Variants in CCL16 observed in about 807,000 individuals in gnomAD.
CCL16 encodes the protein C-C motif chemokine 16.
A neutral mutation model predicts 7.5 loss-of-function variants in CCL16; 6 were observed. That is an observed-to-expected ratio of 0.80 (90% CI 0.44 to 1.57). The LOEUF (loss-of-function observed/expected upper bound fraction) is 1.57. Ranked by LOEUF, CCL16 falls within the 40% of genes most tolerant of loss-of-function variation. The probability of loss-of-function intolerance (pLI) is 0.01; values close to 1 mark genes in which losing one functional copy is unlikely to be tolerated. For synonymous variants in CCL16, 60 were observed against 57.7 expected, an observed-to-expected ratio of 1.04 and a Z score of -0.18; for missense variants, 134 against 142.9, an observed-to-expected ratio of 0.94 and a Z score of 0.32.
chr17:35,977,568 A>G lies in CCL16; in HGVS notation c.361T>C (p.Ter121ArgextTer1), dbSNP rs1206910037. The G allele has an allele frequency of 8.7e-6, 14 of 1,612,424 alleles. No individual in the cohort carries two copies. Among genetic ancestry groups the G allele is most frequent in the Non-Finnish European group, 1.0e-5 (12 of 1,179,858 alleles). ...GGGCTTCCACTAAAGCCTGGTCATC[A>G]CTGGGAGTTGAGGAGCTGGGGTTGA... is the stretch of plus-strand genomic sequence containing the variant. ...NGQPQLLNSQ[*>R] The change falls in exon 3 of 3, where the codon TGA (stop) becomes CGA (arginine). Residue 121 changes from the stop codon to arginine, a stop_lost. Coordinates refer to ENST00000611905, the MANE Select transcript of CCL16 (RefSeq NM_004590.4).
intron 1 of CCL16, 94 bp downstream of exon 1, chr17:35,981,251 G>A: frequency 1.3e-6 from 1 of 784,478 alleles, no homozygotes; most frequent in South Asian, 1.6e-5. Flanking sequence ...GGTCTTATGA[G>A]GCCAGAGACC....
Position 35,977,621 on chromosome 17 carries a change from GTGGACAAGTTCC to G in CCL16, c.296_307del (p.Arg99_Ser102del), listed in dbSNP as rs781345741. 9.3e-6 allele frequency: 15 copies of G among 1,612,554 alleles called. 2 individuals are homozygous for G. The East Asian group carries it at 3.3e-4, about 36-fold the overall frequency. On this transcript the variant is annotated inframe_deletion, in exon 3 of 3. Coordinates refer to ENST00000611905, the MANE Select transcript of CCL16 (RefSeq NM_004590.4). ...ATTCTTTGCTGTAATAATTTTAACC[GTGGACAAGTTCC>G]TGGTAGGCAGCAAAGGTAGGTTGGG... is the stretch of plus-strand genomic sequence containing the variant.
At chr17:35,979,589 C>A (rs1301599271) in intron 1 of CCL16, among the ~76,000 whole-genome samples, 1 of 152,026 alleles carries the variant, frequency 6.6e-6, no homozygotes, top group East Asian at 1.9e-4. Flanking sequence ...TTACTTGTAT[C>A]CTAGGATCAT....
At chr17:35,978,115 A>C (rs1568448507) in intron 2 of CCL16, 28 bp downstream of exon 2, 1 of 1,614,016 alleles carries the variant, frequency 6.2e-7, no homozygotes, top group Non-Finnish European at 8.5e-7. Flanking sequence ...GTCCCTCTCC[A>C]CAGAAATATC....
chr17:35,979,442 A>G (rs2089664732), intron 1 of CCL16, among the ~76,000 whole-genome samples: 1 of 152,158 alleles, frequency 6.6e-6, no homozygotes, highest in Non-Finnish European at 1.5e-5. Flanking sequence ...AGGAAAAAGT[A>G]TATGATTTAG....
Position 35,978,283 on chromosome 17 carries a change from A to C in CCL16, c.77-20T>G. On this transcript the variant is annotated intron_variant, in intron 1 of 2. Coordinates refer to ENST00000611905, the MANE Select transcript of CCL16 (RefSeq NM_004590.4). Reference sequence around the variant, plus strand: ...GAACTTCTGAAGGAATCACATTGCAAGCTGAGCCAGGGAAGCAGAGGGGAG... The same window carrying C: ...GAACTTCTGAAGGAATCACATTGCACGCTGAGCCAGGGAAGCAGAGGGGAG... 6.2e-7 allele frequency: 1 copy of C among 1,614,184 alleles called. No individual in the cohort carries two copies. Among genetic ancestry groups the C allele is most frequent in the East Asian group, 2.2e-5 (1 of 44,878 alleles).
chr17:35,978,458 C>T (rs1197415932), intron 1 of CCL16, among the ~76,000 whole-genome samples, 195 bp from the exon 2 acceptor site: 1 of 152,228 alleles, frequency 6.6e-6, no homozygotes, highest in Non-Finnish European at 1.5e-5. Flanking sequence ...AACCCTCAGC[C>T]TCTGAGCTGA....
rs935552389 is a variant in CCL16, at chr17:35,977,721, T to G, written c.208A>C (p.Lys70Gln). The change falls in exon 3 of 3, where the codon AAG (lysine) becomes CAG (glutamine). Residue 70 changes from lysine to glutamine, a missense_variant. Transcript: ENST00000611905. ...TTGGTGCAGACTTCTCGGTTCCTCT[T>G]GGTGACGAAGCTGCAGAGGCAGAAT... ...CHLPAIIFVT[K>Q]RNREVCTNPN... is the part of the protein sequence containing the mutation. 1 of 1,611,972 alleles carries G rather than the reference T, an allele frequency of 6.2e-7. No homozygotes were observed. Among genetic ancestry groups the G allele is most frequent in the Non-Finnish European group, 8.5e-7 (1 of 1,179,912 alleles).
intron 1 of CCL16, among the ~76,000 whole-genome samples, chr17:35,980,023 T>G (rs2089669025): frequency 6.6e-6 from 1 of 152,190 alleles, no homozygotes; most frequent in African/African-American, 2.4e-5. Flanking sequence ...TGCACTGGCC[T>G]GATTGACTCT....
intron 1 of CCL16, chr17:35,978,724 C>T (rs1011015865): frequency 1.4e-4 from 24 of 169,326 alleles, no homozygotes; most frequent in African/African-American, 5.2e-4. Context: ...ATAGAACAGA[C>T]TTTGGCATAA....
Position 35,981,327 on chromosome 17 carries a change from A to T in CCL16, c.76+18T>A. 2.5e-6 allele frequency: 4 copies of T among 1,590,726 alleles called. No individual in the cohort carries two copies. The South Asian group carries it at 4.5e-5, about 18-fold the overall frequency. Reference sequence around the variant, plus strand: ...TCCCCCTTTCTCGTTCCTGCCCTACAGAGACAAGTGGACTCACTTGGCTGG... The same window carrying T: ...TCCCCCTTTCTCGTTCCTGCCCTACTGAGACAAGTGGACTCACTTGGCTGG... On this transcript the variant is annotated intron_variant, in intron 1 of 2. Coordinates refer to ENST00000611905, the MANE Select transcript of CCL16 (RefSeq NM_004590.4).
intron 1 of CCL16, among the ~76,000 whole-genome samples, chr17:35,980,825 C>A (rs2089675628): frequency 6.6e-6 from 1 of 152,140 alleles, no homozygotes; most frequent in South Asian, 2.1e-4. Flanking sequence ...CCCAAGCAGC[C>A]ATTCCACTGG....
chr17:35,978,700 G>C (rs1453472982), intron 1 of CCL16, among the ~76,000 whole-genome samples: 1 of 152,240 alleles, frequency 6.6e-6, no homozygotes, highest in Non-Finnish European at 1.5e-5. Context: ...CACTACCACA[G>C]AATGTGGTCC....
intron 1 of CCL16, among the ~76,000 whole-genome samples, chr17:35,979,792 G>GT (rs922716952): frequency 6.6e-6 from 1 of 152,108 alleles, no homozygotes; most frequent in African/African-American, 2.4e-5. Context: ...TTGTCACTGT[G>GT]TTTCCTTTGA....
Position 35,978,192 on chromosome 17 carries a change from G to A in CCL16, c.148C>T (p.Leu50=). The change falls in exon 2 of 3, where the codon CTA becomes TTA. Residue 50 remains leucine, a synonymous_variant. Transcript: ENST00000611905. ...AGGGCCTTTCTGTATCCCACCACTA[G>A]TCTCCTTGGCAACACTTTCTCATAA... ...KYYEKVLPRR[L]VVGYRKALNC... 6.2e-7 allele frequency: 1 copy of A among 1,614,192 alleles called. No homozygotes were observed.
rs748995993 is a variant in CCL16 at position 35,978,135 on chromosome 17, G to A, written c.197+8C>T. The stretch of plus-strand genomic sequence containing the variant: ...TCTCCACAGAAATATCTAAAAGGAC[G>A]TGCTTACATGATTGCTGGCAGGTGA... On this transcript the variant is annotated splice_region_variant and intron_variant, in intron 2 of 2. Transcript: ENST00000611905. 9.5e-5 allele frequency: 154 copies of A among 1,614,056 alleles called. No homozygotes were observed. Among genetic ancestry groups the A allele is most frequent in the Non-Finnish European group, 1.3e-4 (148 of 1,180,016 alleles).
chr17:35,977,820 C>T, intron 2 of CCL16, 89 bp from the exon 3 acceptor site: 3 of 1,433,990 alleles, frequency 2.1e-6, no homozygotes, highest in Non-Finnish European at 2.9e-6. Flanking sequence ...TGGAGCTCAC[C>T]TTATGTTCTT....
chr17:35,977,545 G>C lies in CCL16; in HGVS notation c.*21C>G, dbSNP rs772634344. The C allele has an allele frequency of 7.5e-6, 12 of 1,610,072 alleles. No homozygotes were observed. The African/African-American group carries it at 1.5e-4, about 20-fold the overall frequency. The stretch of plus-strand genomic sequence containing the variant: ...TTACCCCTCTCTTCTGTAAACAAGG[G>C]CTTCCACTAAAGCCTGGTCATCACT... On this transcript the variant is annotated 3_prime_UTR_variant, in exon 3 of 3. Transcript: ENST00000611905.
rs1272711100 is a variant in CCL16, at chr17:35,977,368, C to T, written c.*198G>A. On this transcript the variant is annotated 3_prime_UTR_variant, in exon 3 of 3. Coordinates refer to ENST00000611905, the MANE Select transcript of CCL16 (RefSeq NM_004590.4). ...AAATATAAATATAAAAATAAAAGAG[C>T]GTACCTCTGCCCACGTCCCTTAACT... is the stretch of plus-strand genomic sequence containing the variant. The T allele has an allele frequency of 9.5e-6, 4 of 421,288 alleles. No homozygotes were observed. Among genetic ancestry groups the T allele is most frequent in the Non-Finnish European group, 8.3e-6 (2 of 242,016 alleles). 26.1% of individuals were successfully genotyped at this position (421,288 alleles called of 1,614,324 possible).
Sources: allele counts gnomAD v4.1 joint callset (sites outside exome capture counted in the v4.1 genomes callset), GRCh38; gene constraint gnomAD v4.1.1; transcripts MANE v1.5; gene names NCBI Gene and HGNC (gene_info 2026-07-23, HGNC 2026-07-21).